PDE11A: variants seen among roughly 807,000 people sequenced by gnomAD.
PDE11A encodes dual 3',5'-cyclic-AMP and -GMP phosphodiesterase 11A.
In PDE11A, 100 loss-of-function variants were observed where a neutral mutation model predicts 100.5. That is an observed-to-expected ratio of 1.00 (90% CI 0.85 to 1.18). PDE11A has a LOEUF of 1.18. PDE11A is among the 50% of genes most tolerant of loss of function. The probability of loss-of-function intolerance (pLI) is 0.00; values close to 1 mark genes in which losing one functional copy is unlikely to be tolerated. For synonymous variants in PDE11A, 381 were observed against 420.8 expected, an observed-to-expected ratio of 0.91 and a Z score of 1.16; for missense variants, 1,141 against 1,152.6, an observed-to-expected ratio of 0.99 and a Z score of 0.15.
chr2:177,685,608 G>A (rs1313489437), intron 15 of PDE11A, among the ~76,000 whole-genome samples: 1 of 152,002 alleles, frequency 6.6e-6, no homozygotes, highest in African/African-American at 2.4e-5. Context: ...GGAGTGCAAT[G>A]TCGCGATCTT....
At chr2:177,849,720 G>A (rs185222165) in intron 5 of PDE11A, among the ~76,000 whole-genome samples, 1,708 of 151,388 alleles carry the variant, frequency 0.011, 25 homozygotes, top group East Asian at 0.075. Flanking sequence ...AACCCGGGAG[G>A]TGGAGCTTGC....
At chr2:177,671,375 G>T (rs1244795256) in intron 17 of PDE11A, among the ~76,000 whole-genome samples, 1 of 152,084 alleles carries the variant, frequency 6.6e-6, no homozygotes, top group Non-Finnish European at 1.5e-5. Context: ...AGGAAATTGA[G>T]ATGCTAATCA....
chr2:177,881,152 A>AT (rs2084327796), intron 4 of PDE11A, among the ~76,000 whole-genome samples: 1 of 151,918 alleles, frequency 6.6e-6, no homozygotes, highest in African/African-American at 2.4e-5. Flanking sequence ...TAGGACATCC[A>AT]TTTTTCCCCT....
intron 9 of PDE11A, among the ~76,000 whole-genome samples, chr2:177,785,710 A>C (rs1297425709): frequency 1.3e-5 from 2 of 152,218 alleles, no homozygotes. Context: ...GACGGGCTTA[A>C]AAAACGGCGC....
At chr2:177,945,535 T>A (rs1421926456) in intron 2 of PDE11A, among the ~76,000 whole-genome samples, 9 of 141,590 alleles carry the variant, frequency 6.4e-5, no homozygotes, top group African/African-American at 2.4e-4. Context: ...GTGAGGAGGG[T>A]CTCTGCCCAG....
chr2:178,084,080 T>A (rs1234996642), intron 2 of PDE11A, among the ~76,000 whole-genome samples: 1 of 152,192 alleles, frequency 6.6e-6, no homozygotes, highest in Non-Finnish European at 1.5e-5. Flanking sequence ...TTCTACAAGA[T>A]CCATCAGAAA....
rs538389698 is a variant in PDE11A, at chr2:178,054,109, C to T, written c.912+17417G>A. ...GGCGTCGCGCTACTGTACTACAAGGCTACAGGAACCAAAACAGCATGGTAC... is the reference window on the plus strand; with the variant it reads ...GGCGTCGCGCTACTGTACTACAAGGTTACAGGAACCAAAACAGCATGGTAC... On this transcript the variant is annotated intron_variant, in intron 1 of 19. Transcript: ENST00000286063. Among the ~76,000 whole-genome samples the T allele has an allele frequency of 5.3e-5, 8 of 152,140 alleles. No individual in the cohort carries two copies. In the East Asian group the frequency reaches 9.7e-4, roughly 18 times the overall value.
chr2:178,039,870 T>C (rs1438875855), intron 1 of PDE11A, among the ~76,000 whole-genome samples: 1 of 152,002 alleles, frequency 6.6e-6, no homozygotes, highest in Non-Finnish European at 1.5e-5. Flanking sequence ...AATGATTCCA[T>C]TTATACAAAG....
Position 177,663,894 on chromosome 2 carries a change from A to G in PDE11A, c.2618T>C (p.Ile873Thr), listed in dbSNP as rs371810618. 5.7e-5 allele frequency: 92 copies of G among 1,608,738 alleles called. No homozygotes were observed. Among genetic ancestry groups the G allele is most frequent in the Middle Eastern group, 1.6e-4 (1 of 6,076 alleles). ...DELPRLQLEW[I>T]DSICMPLYQA... Reference sequence around the variant, plus strand: ...ATACAAAGGCATGCAGATGCTATCAATCCACTCCAGTTGCAACCGAGGCAG... The same window carrying G: ...ATACAAAGGCATGCAGATGCTATCAGTCCACTCCAGTTGCAACCGAGGCAG... The change falls in exon 19 of 20, where the codon ATT (isoleucine) becomes ACT (threonine). Residue 873 changes from isoleucine to threonine, a missense_variant. By Grantham distance (89) the Ile-to-Thr change is moderately conservative. Coordinates refer to ENST00000286063, the MANE Select transcript of PDE11A (RefSeq NM_016953.4).
rs2087130679 is a variant in PDE11A at position 178,071,573 on chromosome 2, A to G, written c.865T>C (p.Tyr289His). The G allele has an allele frequency of 6.2e-7, 1 of 1,613,354 alleles. No individual in the cohort carries two copies. The highest frequency in any genetic ancestry group is 8.5e-7 in the Non-Finnish European group (1 of 1,179,370). ...ACCGTTTCTCCATGCTCCCCGACAT[A>G]GCCAATGATACCTTTGCCCCAGGGG... ...QVPWGKGIIG[Y>H]VGEHGETVNI... Residue 289 changes from tyrosine to histidine, a missense_variant, in exon 1 of 20, where the codon TAT (tyrosine) becomes CAT (histidine). Coordinates refer to ENST00000286063, the MANE Select transcript of PDE11A (RefSeq NM_016953.4).
intron 5 of PDE11A, among the ~76,000 whole-genome samples, chr2:177,851,404 A>G (rs2083700253): frequency 6.6e-6 from 1 of 152,004 alleles, no homozygotes; most frequent in South Asian, 2.1e-4. Flanking sequence ...GGGATCGGGG[A>G]GGGATAGCAT....
intron 1 of PDE11A, among the ~76,000 whole-genome samples, chr2:178,049,197 G>A (rs1244122856): frequency 6.6e-6 from 1 of 152,180 alleles, no homozygotes; most frequent in Admixed American, 6.5e-5. Context: ...AAGTGCCAGT[G>A]GCATATGTTA....
At chr2:177,908,783 C>T (rs778610869) in intron 2 of PDE11A, among the ~76,000 whole-genome samples, 6 of 152,204 alleles carry the variant, frequency 3.9e-5, no homozygotes, top group Non-Finnish European at 8.8e-5. Context: ...AGCCTAGGAA[C>T]AGCCCAACAT....
intron 2 of PDE11A, among the ~76,000 whole-genome samples, chr2:178,010,731 T>C (rs530771678): frequency 6.6e-6 from 1 of 152,282 alleles, no homozygotes; most frequent in East Asian, 1.9e-4. Flanking sequence ...TTTTATGATC[T>C]CCCAAAATGA....
At chr2:178,052,285 G>A (rs1368643809) in intron 1 of PDE11A, among the ~76,000 whole-genome samples, 1 of 152,176 alleles carries the variant, frequency 6.6e-6, no homozygotes. Flanking sequence ...ACGAAATGAA[G>A]GCAGAAATAA....
chr2:177,968,890 C>T (rs1016543715), intron 2 of PDE11A, among the ~76,000 whole-genome samples: 1 of 152,188 alleles, frequency 6.6e-6, no homozygotes, highest in African/African-American at 2.4e-5. Flanking sequence ...ACCAGAAATA[C>T]CATTTGATCT....
At chr2:178,019,791 A>G (rs1351715126) in intron 1 of PDE11A, among the ~76,000 whole-genome samples, 1 of 152,214 alleles carries the variant, frequency 6.6e-6, no homozygotes, top group African/African-American at 2.4e-5. Flanking sequence ...ACAAAAGACA[A>G]TGAGCCTCAG....
intron 5 of PDE11A, among the ~76,000 whole-genome samples, chr2:177,863,346 A>T (rs192636250): frequency 7.1e-4 from 108 of 152,176 alleles, no homozygotes; most frequent in African/African-American, 2.4e-3. Flanking sequence ...ACATCAAATG[A>T]AAAAGCTTCT....
intron 9 of PDE11A, among the ~76,000 whole-genome samples, chr2:177,810,894 G>A (rs1349944512): frequency 2.0e-5 from 3 of 152,036 alleles, no homozygotes; most frequent in Non-Finnish European, 2.9e-5. Flanking sequence ...AGATGGGAGA[G>A]GCTTTGGGGA....
Sources: allele counts gnomAD v4.1 joint callset (sites outside exome capture counted in the v4.1 genomes callset), GRCh38; gene constraint gnomAD v4.1.1; transcripts MANE v1.5; gene names NCBI Gene and HGNC (gene_info 2026-07-23, HGNC 2026-07-21).